The following SVEP1 variants were observed in gnomAD, a reference collection of about 807,000 sequenced individuals.
SVEP1 encodes sushi, von Willebrand factor type A, EGF and pentraxin domain-containing protein 1.
A neutral mutation model predicts 367.3 loss-of-function variants in SVEP1; 164 were observed. The ratio of observed to expected loss-of-function variants is 0.45; its 90% CI spans 0.39 to 0.51. The LOEUF is 0.51. Among genes scored for constraint, SVEP1 ranks in the 20% least tolerant of loss-of-function variants. SVEP1 has a pLI of 0.00. For synonymous variants in SVEP1, 1,666 were observed against 1,611.6 expected, an observed-to-expected ratio of 1.03 and a Z score of -0.81; for missense variants, 4,117 against 4,425.3, an observed-to-expected ratio of 0.93 and a Z score of 1.98.
chr9:110,413,796 G>T (rs927889099), intron 36 of SVEP1, among the ~76,000 whole-genome samples: 24 of 152,048 alleles, frequency 1.6e-4, no homozygotes, highest in African/African-American at 5.1e-4. Context: ...ATCTCTTACT[G>T]AACAGAAAAT....
rs552868026 is a variant in SVEP1 at position 110,537,168 on chromosome 9, T to C, written c.964+8947A>G. Among the ~76,000 whole-genome samples, 16 of 152,080 alleles carry C rather than the reference T, an allele frequency of 1.1e-4. No individual in the cohort carries two copies. The East Asian group carries it at 2.9e-3, about 27-fold the overall frequency. ...CTCAGGAGGAACTCCAAGAATTGAG[T>C]GACATCAATTTAACACAACTTATTC... On this transcript the variant is annotated intron_variant, in intron 3 of 47. Transcript: ENST00000374469.
At chr9:110,379,571 C>T in intron 43 of SVEP1, 54 bp from the exon 44 acceptor site, 1 of 1,567,682 alleles carries the variant, frequency 6.4e-7, no homozygotes, top group Non-Finnish European at 8.7e-7. Context: ...AGACTGAGAA[C>T]ACAGTCTCAT....
chr9:110,542,112 TGCGAA>T (rs1412949588), intron 3 of SVEP1, among the ~76,000 whole-genome samples: 1 of 152,078 alleles, frequency 6.6e-6, no homozygotes, highest in Non-Finnish European at 1.5e-5. Flanking sequence ...CTTTCTGTGT[TGCGAA>T]ACATTTTGAA....
Position 110,479,695 on chromosome 9 carries a change from A to C in SVEP1, c.2427T>G (p.Cys809Trp). 1 of 1,610,998 alleles carries C rather than the reference A, an allele frequency of 6.2e-7. No individual in the cohort carries two copies. Among genetic ancestry groups the C allele is most frequent in the Non-Finnish European group, 8.5e-7 (1 of 1,178,972 alleles). ...SFEMFYKAAR[C>W]DDTDLMKKFS... ...ACTTCTTCATCAGATCTGTGTCATC[A>C]CAACGAGCTGCTTTGTAGAACATCT... The change falls in exon 13 of 48, where the codon TGT becomes TGG. Residue 809 changes from cysteine to tryptophan, a missense_variant. By Grantham distance (215) the Cys-to-Trp change is radical. This residue lies in a region of SVEP1 where 2,174 missense variants were observed against 2,494.3 expected (regional missense o/e 0.87). Coordinates refer to ENST00000374469, the MANE Select transcript of SVEP1 (RefSeq NM_153366.4).
chr9:110,473,465 C>G (rs377183098), intron 14 of SVEP1, among the ~76,000 whole-genome samples: 1 of 151,924 alleles, frequency 6.6e-6, no homozygotes, highest in Non-Finnish European at 1.5e-5. Flanking sequence ...TACACACACA[C>G]AAACCTGGAA....
chr9:110,457,427 G>A lies in SVEP1; in HGVS notation c.3577-75C>T, dbSNP rs1002277038. The A allele has an allele frequency of 6.7e-6, 8 of 1,195,848 alleles. No individual in the cohort carries two copies. The African/African-American group carries it at 1.2e-4, about 18-fold the overall frequency. The allele number at this position is 1,195,848 out of a possible 1,614,324, so 74.1% of individuals were successfully genotyped here. On this transcript the variant is annotated intron_variant, in intron 20 of 47. Coordinates refer to ENST00000374469, the MANE Select transcript of SVEP1 (RefSeq NM_153366.4). Reference sequence around the variant, plus strand: ...TCAAAGCAGTCCTGATTAGAGTCAGGTTTGCAACATTAGACAGCTCGTTCC... The same window carrying A: ...TCAAAGCAGTCCTGATTAGAGTCAGATTTGCAACATTAGACAGCTCGTTCC...
intron 40 of SVEP1, among the ~76,000 whole-genome samples, chr9:110,389,896 A>T (rs372286636): frequency 7.6e-6 from 1 of 131,454 alleles, no homozygotes; most frequent in East Asian, 5.0e-4. Flanking sequence ...GAAGTAGTCA[A>T]ATAGTAGTAT....
intron 2 of SVEP1, among the ~76,000 whole-genome samples, chr9:110,549,552 T>C (rs1484252191): frequency 6.6e-6 from 1 of 152,174 alleles, no homozygotes; most frequent in East Asian, 1.9e-4. Context: ...ACTCTGTGTG[T>C]GGCCTCAAAA....
chr9:110,403,288 C>T (rs117590987), intron 39 of SVEP1, among the ~76,000 whole-genome samples: 4,599 of 108,348 alleles, frequency 0.042, 111 homozygotes, highest in South Asian at 0.083. Context: ...TCCTTCCCCG[C>T]CACCGCCGTT....
chr9:110,515,091 A>T (rs1452796463), intron 3 of SVEP1, among the ~76,000 whole-genome samples: 1 of 152,234 alleles, frequency 6.6e-6, no homozygotes, highest in Non-Finnish European at 1.5e-5. Context: ...CTCTGCACAG[A>T]CAATGTAGCT....
rs769266450 is a variant in SVEP1 at position 110,377,376 on chromosome 9, A to C, written c.10409-10T>G. On this transcript the variant is annotated splice_polypyrimidine_tract_variant and intron_variant, in intron 44 of 47. Coordinates refer to ENST00000374469, the MANE Select transcript of SVEP1 (RefSeq NM_153366.4). ...GGAAATCGACAGACAGCTGGAAAAGAAGCAGGATGGGTCACAAATGTAGGG... is the reference window on the plus strand; with the variant it reads ...GGAAATCGACAGACAGCTGGAAAAGCAGCAGGATGGGTCACAAATGTAGGG... 3 of 1,612,922 alleles carry C rather than the reference A, an allele frequency of 1.9e-6. No individual in the cohort carries two copies. The highest frequency in any genetic ancestry group is 2.2e-5 in the South Asian group (2 of 91,056).
At chr9:110,389,609 T>C in intron 40 of SVEP1, 22 bp from the exon 41 acceptor site, 1 of 1,612,396 alleles carries the variant, frequency 6.2e-7, no homozygotes, top group Non-Finnish European at 8.5e-7. Flanking sequence ...TGGAGAAAGG[T>C]CATCAAGATC....
intron 5 of SVEP1, among the ~76,000 whole-genome samples, chr9:110,510,773 G>A (rs180870610): frequency 1.1e-4 from 17 of 152,308 alleles, no homozygotes; most frequent in African/African-American, 2.9e-4. Context: ...ATCCTCTACC[G>A]TAAGGTATTT....
chr9:110,383,199 C>T (rs1827465189), intron 43 of SVEP1, among the ~76,000 whole-genome samples: 1 of 152,066 alleles, frequency 6.6e-6, no homozygotes, highest in African/African-American at 2.4e-5. Context: ...TTCCTGAGTT[C>T]TCCAGTTTTG....
chr9:110,551,118 CA>C (rs1830280498), intron 1 of SVEP1, among the ~76,000 whole-genome samples: 3 of 152,176 alleles, frequency 2.0e-5, no homozygotes, highest in Non-Finnish European at 4.4e-5. Context: ...AGAAACACTA[CA>C]TGTTTTTCAG....
At chr9:110,506,269 G>A (rs1829625537) in intron 5 of SVEP1, among the ~76,000 whole-genome samples, 2 of 152,110 alleles carry the variant, frequency 1.3e-5, no homozygotes, top group Non-Finnish European at 2.9e-5. Context: ...AACCCTAGAA[G>A]AAAACCTAGG....
intron 1 of SVEP1, among the ~76,000 whole-genome samples, chr9:110,561,588 T>G (rs1411325540): frequency 6.6e-6 from 1 of 152,162 alleles, no homozygotes; most frequent in Non-Finnish European, 1.5e-5. Context: ...GAAATGAAAA[T>G]TCATATAAAT....
At position 110,429,979 on chromosome 9, in the gene SVEP1, A is replaced by C. The variant is rs1437398215; in HGVS notation, c.5556T>G (p.Ile1852Met). 1 of 1,612,778 alleles carries C rather than the reference A, an allele frequency of 6.2e-7. No homozygotes were observed. Among genetic ancestry groups the C allele is most frequent in the Admixed American group, 1.7e-5 (1 of 59,998 alleles). ...ACTCCTCAATGCAACCATTTTCTGG[A>C]ATAGCCGGTTTACCACATGAAACAG... Reference protein sequence around the residue: ...CKAVSCGKPAIPENGCIEELA... With the variant: ...CKAVSCGKPAMPENGCIEELA... The change falls in exon 34 of 48, where the codon ATT becomes ATG. Residue 1852 changes from isoleucine to methionine, a missense_variant. Transcript: ENST00000374469.
At chr9:110,489,275 A>T (rs1011437192) in intron 9 of SVEP1, among the ~76,000 whole-genome samples, 1 of 152,112 alleles carries the variant, frequency 6.6e-6, no homozygotes, top group Non-Finnish European at 1.5e-5. Flanking sequence ...TTCAATGAAG[A>T]CTTACTGTAT....
Sources: allele counts gnomAD v4.1 joint callset (sites outside exome capture counted in the v4.1 genomes callset), GRCh38; gene constraint gnomAD v4.1.1; regional missense constraint gnomAD v4.1.1; transcripts MANE v1.5; gene names NCBI Gene and HGNC (gene_info 2026-07-23, HGNC 2026-07-21).